Variants in KLHL6 observed in about 807,000 individuals in gnomAD.
KLHL6 encodes the protein kelch like family member 6.
KLHL6 carries 41 observed loss-of-function variants against 58.6 expected under a neutral mutation model. That is an observed-to-expected ratio of 0.70 (90% CI 0.55 to 0.91). The LOEUF (loss-of-function observed/expected upper bound fraction) is 0.91. Ranked by LOEUF, KLHL6 falls within the 40% of genes least tolerant of loss-of-function variation. The pLI, the probability that KLHL6 is intolerant of heterozygous loss-of-function variation, is 0.00. For missense variants in KLHL6, 714 were observed against 805.6 expected (o/e 0.89, Z 1.38); for synonymous variants, 338 against 322.7 (o/e 1.05, Z -0.51).
At chr3:183,532,938 A>G (rs1712208139) in intron 1 of KLHL6, among the ~76,000 whole-genome samples, 1 of 152,218 alleles carries the variant, frequency 6.6e-6, no homozygotes, top group Non-Finnish European at 1.5e-5. Context: ...ATGAACCCAT[A>G]AAGAGCTGGG....
Position 183,492,737 on chromosome 3 carries a change from T to C in KLHL6, c.1351-30A>G, listed in dbSNP as rs751721303. 6 of 1,605,340 alleles carry C rather than the reference T, an allele frequency of 3.7e-6. No homozygotes were observed. The highest frequency in any genetic ancestry group is 4.3e-6 in the Non-Finnish European group (5 of 1,174,664). ...AGAGGCACAGGGCACAAGAAGAAGC[T>C]GTCAGTCATGCTGCCCAGATTGCTG... On this transcript the variant is annotated intron_variant, in intron 5 of 6. Transcript: ENST00000341319. The surrounding 1 kb of genome is among the most constrained non-coding windows in gnomAD (Gnocchi z 5.9).
chr3:183,510,841 C>G (rs1458826471), intron 2 of KLHL6, among the ~76,000 whole-genome samples: 1 of 146,832 alleles, frequency 6.8e-6, no homozygotes, highest in Non-Finnish European at 1.5e-5. Flanking sequence ...TCATTGCACT[C>G]TAGCCCGGGC....
intron 1 of KLHL6, among the ~76,000 whole-genome samples, chr3:183,551,771 T>A (rs2108701638): frequency 6.6e-6 from 1 of 152,322 alleles, no homozygotes; most frequent in South Asian, 2.1e-4. Context: ...GTGGTAGCCT[T>A]TGGCGCATGA....
intron 1 of KLHL6, among the ~76,000 whole-genome samples, chr3:183,537,947 G>A (rs1464051468): frequency 6.6e-6 from 1 of 152,170 alleles, no homozygotes; most frequent in Admixed American, 6.6e-5. Flanking sequence ...CTAGGGGCCA[G>A]AGCAGTGCCA....
chr3:183,504,854 T>C, intron 3 of KLHL6, among the ~76,000 whole-genome samples: 1 of 152,196 alleles, frequency 6.6e-6, no homozygotes, highest in East Asian at 1.9e-4. Flanking sequence ...CTCACCTTCT[T>C]CTCATCCTCT....
chr3:183,492,057 C>T lies in KLHL6; in HGVS notation c.1736G>A (p.Trp579Ter), dbSNP rs376538225. 2 of 1,613,904 alleles carry T rather than the reference C, an allele frequency of 1.2e-6. No homozygotes were observed. The highest frequency in any genetic ancestry group is 1.7e-6 in the Non-Finnish European group (2 of 1,180,006). Residue 579 changes from tryptophan to a stop codon, truncating the protein, a stop_gained, in exon 7 of 7, where the codon TGG (tryptophan) becomes TAG (stop). Transcript: ENST00000341319. LOFTEE classifies it high-confidence loss of function. This position sits in a 1 kb window ranked among gnomAD's most constrained non-coding sequence, Gnocchi z 5.9. ...TGTCAGTTTCTGGGCCTCGGGGTCC[C>T]AGCACAGCACCGTGGCGATAACCTC... is the stretch of plus-strand genomic sequence containing the variant. Reference protein sequence around the residue: ...KNEVIATVLCWDPEAQKLTEE... With the variant: ...KNEVIATVLC
rs56296492 is a variant in KLHL6, at chr3:183,502,302, CA to C, written c.910-2476del. Among the ~76,000 whole-genome samples, 550 of 138,730 alleles carry C rather than the reference CA, an allele frequency of 4.0e-3. 2 individuals carry two copies. The highest frequency in any genetic ancestry group is 5.8e-3 in the Non-Finnish European group (373 of 64,334). 91.0% of individuals were successfully genotyped at this position (138,730 alleles called of 152,430 possible). A position where few individuals can be genotyped will look rare whatever the true frequency, so the allele number is the denominator to read the frequency against. On this transcript the variant is annotated intron_variant, in intron 3 of 6. Coordinates refer to ENST00000341319, the MANE Select transcript of KLHL6 (RefSeq NM_130446.4). ...GGGCAACAAGAGCGAAACTCCATCT[CA>C]AAAAAAAAAAAAATGAGTGAATGGA...
At chr3:183,553,828 A>G (rs918430446) in intron 1 of KLHL6, among the ~76,000 whole-genome samples, 1 of 152,124 alleles carries the variant, frequency 6.6e-6, no homozygotes, top group African/African-American at 2.4e-5. Flanking sequence ...AAAATCAGAT[A>G]ACTATGTCTG....
chr3:183,542,029 C>T (rs368242080), intron 1 of KLHL6, among the ~76,000 whole-genome samples: 1 of 152,102 alleles, frequency 6.6e-6, no homozygotes, highest in Non-Finnish European at 1.5e-5. Flanking sequence ...TGCTGGGCAG[C>T]GCTGCCTCTC....
intron 1 of KLHL6, among the ~76,000 whole-genome samples, chr3:183,548,451 A>C (rs1039623391): frequency 6.6e-6 from 1 of 152,062 alleles, no homozygotes; most frequent in Non-Finnish European, 1.5e-5. Flanking sequence ...TCCTTTGTTG[A>C]TGCTGCTGCC....
At chr3:183,553,960 T>C (rs1223090149) in intron 1 of KLHL6, among the ~76,000 whole-genome samples, 1 of 149,874 alleles carries the variant, frequency 6.7e-6, no homozygotes, top group East Asian at 1.9e-4. Context: ...CAAAGAAACG[T>C]TTCCCCCCAA....
chr3:183,519,043 C>T (rs772484533), intron 2 of KLHL6, among the ~76,000 whole-genome samples: 1 of 152,134 alleles, frequency 6.6e-6, no homozygotes, highest in African/African-American at 2.4e-5. Flanking sequence ...CCTTGATCGC[C>T]GAGCTGAAAG....
At chr3:183,534,946 A>ATTTTT (rs1247398286) in intron 1 of KLHL6, among the ~76,000 whole-genome samples, 1 of 96,742 alleles carries the variant, frequency 1.0e-5, no homozygotes, top group African/African-American at 4.3e-5. Flanking sequence ...ATATATATAT[A>ATTTTT]TATATTTTTT....
chr3:183,509,310 T>G (rs1718112996), intron 2 of KLHL6, among the ~76,000 whole-genome samples: 1 of 152,218 alleles, frequency 6.6e-6, no homozygotes. Context: ...ATGTTTATGT[T>G]GAAGAAGAAT....
intron 1 of KLHL6, among the ~76,000 whole-genome samples, chr3:183,551,119 T>C (rs1250112571): frequency 3.8e-5 from 3 of 79,058 alleles, no homozygotes; most frequent in Admixed American, 1.5e-4. Context: ...AGACTCTGTC[T>C]CAGAAAAAAA....
chr3:183,515,424 T>A (rs1172851784), intron 2 of KLHL6, among the ~76,000 whole-genome samples: 1 of 152,130 alleles, frequency 6.6e-6, no homozygotes, highest in African/African-American at 2.4e-5. Context: ...GTTGCATGCC[T>A]ATAGTCCCAG....
Position 183,491,851 on chromosome 3 carries a change from G to A in KLHL6, c.*76C>T, listed in dbSNP as rs1717563846. 1 of 1,303,188 alleles carries A rather than the reference G, an allele frequency of 7.7e-7. No individual in the cohort carries two copies. The highest frequency in any genetic ancestry group is 2.7e-5 in the East Asian group (1 of 37,514). The allele number at this position is 1,303,188 out of a possible 1,614,324, so 80.7% of individuals were successfully genotyped here. ...CTCAAACTCGAGCCTGCTGCCTGAA[G>A]TGGGACTGGAGGAGGGTGAGAGGTG... is the stretch of plus-strand genomic sequence containing the variant. On this transcript the variant is annotated 3_prime_UTR_variant, in exon 7 of 7. Coordinates refer to ENST00000341319, the MANE Select transcript of KLHL6 (RefSeq NM_130446.4).
intron 2 of KLHL6, among the ~76,000 whole-genome samples, chr3:183,513,289 A>G (rs1188293932): frequency 6.6e-6 from 1 of 152,256 alleles, no homozygotes; most frequent in Non-Finnish European, 1.5e-5. Flanking sequence ...TCCCTGAGGA[A>G]ACCAGATTCA....
chr3:183,501,385 C>A (rs1384661883), intron 3 of KLHL6, among the ~76,000 whole-genome samples: 1 of 152,224 alleles, frequency 6.6e-6, no homozygotes, highest in Non-Finnish European at 1.5e-5. Context: ...TCTATGTGGT[C>A]CTCTTTCGGA....
Sources: gnomAD v4.1 joint callset for allele counts (sites outside exome capture counted in the v4.1 genomes callset) on GRCh38, gnomAD v4.1.1 for gene constraint, Gnocchi (gnomAD v3.1) non-coding constraint, MANE v1.5 for transcripts, NCBI Gene and HGNC (gene_info 2026-07-23, HGNC 2026-07-21) for gene names.